Variants in FGF16 observed in about 807,000 individuals in gnomAD.
The protein encoded by FGF16 is fibroblast growth factor 16.
A neutral mutation model predicts 8.5 loss-of-function variants in FGF16; 2 were observed. The observed-to-expected ratio is 0.24, with a 90% CI of 0.10 to 0.75. The LOEUF is 0.75. FGF16 is among the 30% of genes least tolerant of loss of function. The pLI is 0.74. For synonymous variants in FGF16, 33 were observed against 34.6 expected, an observed-to-expected ratio of 0.95 and a Z score of 0.16; for missense variants, 79 against 87.4, an observed-to-expected ratio of 0.90 and a Z score of 0.38.
At chrX:77,448,652 C>G (rs1473278540) in intron 1 of FGF16, among the ~76,000 whole-genome samples, 18 of 111,864 alleles carry the variant, frequency 1.6e-4, no homozygotes, top group African/African-American at 4.2e-4. Context: ...ACAGTTGTCT[C>G]TTGGGCCCAA....
chrX:77,454,815 G>C (rs1375927405), intron 2 of FGF16, among the ~76,000 whole-genome samples: 1 of 24,909 alleles, frequency 4.0e-5, no homozygotes, highest in South Asian at 3.2e-3. Context: ...TTTTTGCTTT[G>C]AGATGGAGTC....
Position 77,454,229 on chromosome X carries a change from G to A in FGF16, c.347G>A (p.Gly116Glu). 1 of 1,032,439 alleles carries A rather than the reference G, an allele frequency of 9.7e-7. No individual in the cohort carries two copies. The highest frequency in any genetic ancestry group is 1.3e-6 in the Non-Finnish European group (1 of 768,803). The allele number at this position is 1,032,439 out of a possible 1,213,427, so 85.1% of individuals were successfully genotyped here. ...GGAGTGGACTCTGGCCTGTACCTAG[G>A]AATGAATGAGCGAGGAGAACTCTAT... is the stretch of plus-strand genomic sequence containing the variant. ...IRGVDSGLYL[G>E]MNERGELYGS... Residue 116 changes from glycine (G) to glutamate (E), a missense_variant, in exon 2 of 3, where the codon GGA becomes GAA. Coordinates refer to ENST00000439435, the MANE Select transcript of FGF16 (RefSeq NM_003868.3).
Position 77,447,633 on chromosome X carries a change from C to T in FGF16, c.-42C>T, listed in dbSNP as rs1192311481. 1.0e-4 allele frequency: 31 copies of T among 295,912 alleles called. No homozygotes were observed. Among genetic ancestry groups the T allele is most frequent in the Non-Finnish European group, 1.4e-4 (24 of 169,699 alleles). The allele number at this position is 295,912 out of a possible 1,213,427, so 24.4% of individuals were successfully genotyped here. A position where few individuals can be genotyped will look rare whatever the true frequency, so the allele number is the denominator to read the frequency against. ...TCGCGCCCCGTGGCCCCGGCTCGGC[C>T]CGCGCGCGCCCAGCACAACCAGCGC... On this transcript the variant is annotated 5_prime_UTR_variant, in exon 1 of 3. Coordinates refer to ENST00000439435, the MANE Select transcript of FGF16 (RefSeq NM_003868.3).
Position 77,456,464 on chromosome X carries a change from G to T in FGF16, c.566G>T (p.Arg189Met). 1 of 1,207,796 alleles carries T rather than the reference G, an allele frequency of 8.3e-7. No individual in the cohort carries two copies. Among genetic ancestry groups the T allele is most frequent in the Non-Finnish European group, 1.1e-6 (1 of 892,209 alleles). ...RHQKFTHFLPRPVDPSKLPSM... is the reference protein window; with the variant it reads ...RHQKFTHFLPMPVDPSKLPSM... ...CAGAAATTCACTCACTTTTTACCCA[G>T]GCCTGTAGATCCTTCTAAGTTGCCC... is the stretch of plus-strand genomic sequence containing the variant. The change falls in exon 3 of 3, where the codon AGG (arginine) becomes ATG (methionine). Residue 189 changes from arginine (R) to methionine (M), a missense_variant. By Grantham distance (91) the Arg-to-Met change is moderately conservative (BLOSUM62 -1). Coordinates refer to ENST00000439435, the MANE Select transcript of FGF16 (RefSeq NM_003868.3).
intron 1 of FGF16, among the ~76,000 whole-genome samples, chrX:77,450,435 G>A (rs782633557): frequency 1.8e-5 from 2 of 112,374 alleles, no homozygotes; most frequent in Non-Finnish European, 3.8e-5. Context: ...TCACCGCCTG[G>A]CTGGTAGCAT....
At chrX:77,456,182 A>G (rs2062571285) in intron 2 of FGF16, 95 bp from the exon 3 acceptor site, 17 of 828,245 alleles carry the variant, frequency 2.1e-5, no homozygotes, top group Non-Finnish European at 2.7e-5. Context: ...TCTAACATCA[A>G]TGTGCTATTG....
chrX:77,456,507 C>A lies in FGF16; in HGVS notation c.609C>A (p.Leu203=). 1 of 1,210,476 alleles carries A rather than the reference C, an allele frequency of 8.3e-7. No homozygotes were observed. Among genetic ancestry groups the A allele is most frequent in the South Asian group, 1.8e-5 (1 of 56,896 alleles). The change falls in exon 3 of 3, where the codon CTC becomes CTA. Residue 203 remains leucine (L), a synonymous_variant. Coordinates refer to ENST00000439435, the MANE Select transcript of FGF16 (RefSeq NM_003868.3). ...PSKLPSMSRD[L]FHYR ...AGTTGCCCTCCATGTCCAGAGACCT[C>A]TTTCACTATAGGTAATGAACCTCTG... is the stretch of plus-strand genomic sequence containing the variant.
At position 77,454,273 on chromosome X, in the gene FGF16, T is replaced by A. The variant is rs782104984; in HGVS notation, c.378+13T>A. The A allele has an allele frequency of 5.3e-6, 1 of 186,964 alleles. No homozygotes were observed. The highest frequency in any genetic ancestry group is 7.0e-6 in the Non-Finnish European group (1 of 142,212). The allele number at this position is 186,964 out of a possible 1,213,427, so 15.4% of individuals were successfully genotyped here. On this transcript the variant is annotated intron_variant, in intron 2 of 2. Transcript: ENST00000439435. ...ACTCTATGGGTCGGTAAGTTTAAGG[T>A]TTTTTTTTTTTTTTTTTTTTTTTTT...
chrX:77,454,282 T>G (rs781814864), intron 2 of FGF16, 22 bp downstream of exon 2: 28 of 779,942 alleles, frequency 3.6e-5, no homozygotes, highest in Non-Finnish European at 4.8e-5. Flanking sequence ...GTTTTTTTTT[T>G]TTTTTTTTTT....
intron 1 of FGF16, among the ~76,000 whole-genome samples, chrX:77,451,368 G>A (rs2062556664): frequency 8.9e-6 from 1 of 112,220 alleles, no homozygotes; most frequent in African/African-American, 3.2e-5. Context: ...ACAGAATGAG[G>A]GAACTCAGAC....
At chrX:77,454,101 C>A in intron 1 of FGF16, 56 bp from the exon 2 acceptor site, 2 of 800,400 alleles carry the variant, frequency 2.5e-6, no homozygotes, top group Non-Finnish European at 1.9e-6. Flanking sequence ...GTCACCTGAA[C>A]AGCTTTCTCT....
chrX:77,447,959 G>A lies in FGF16; in HGVS notation c.274+11G>A, dbSNP rs2062545996. ...ACCACAGCCGCTTCGGTGAGGACGC[G>A]GTCGGGGGAACGGGAGGCGGGCGGA... On this transcript the variant is annotated intron_variant, in intron 1 of 2. Transcript: ENST00000439435. The A allele has an allele frequency of 3.4e-6, 1 of 297,138 alleles. No individual in the cohort carries two copies. The highest frequency in any genetic ancestry group is 5.9e-6 in the Non-Finnish European group (1 of 170,199). The allele number at this position is 297,138 out of a possible 1,213,427, so 24.5% of individuals were successfully genotyped here. A position where few individuals can be genotyped will look rare whatever the true frequency, so the allele number is the denominator to read the frequency against.
rs1187051419 is a variant in FGF16, at chrX:77,457,046, G to T, written c.*524G>T. Reference sequence around the variant, plus strand: ...TTGGAAGTGGGAGATGGGGTAGGTTGTAAGAAAATGATATTAAAATGTAAG... The same window carrying T: ...TTGGAAGTGGGAGATGGGGTAGGTTTTAAGAAAATGATATTAAAATGTAAG... On this transcript the variant is annotated 3_prime_UTR_variant, in exon 3 of 3. Coordinates refer to ENST00000439435, the MANE Select transcript of FGF16 (RefSeq NM_003868.3). The T allele has an allele frequency of 8.9e-6, 1 of 112,300 alleles. No homozygotes were observed. 9.3% of individuals were successfully genotyped at this position (112,300 alleles called of 1,213,427 possible).
intron 1 of FGF16, among the ~76,000 whole-genome samples, chrX:77,451,367 G>A (rs1298114277): frequency 1.8e-5 from 2 of 112,246 alleles, no homozygotes; most frequent in East Asian, 5.6e-4. Flanking sequence ...TACAGAATGA[G>A]GGAACTCAGA....
intron 1 of FGF16, among the ~76,000 whole-genome samples, chrX:77,448,261 G>A (rs1429775239): frequency 8.8e-6 from 1 of 113,022 alleles, no homozygotes; most frequent in Non-Finnish European, 1.9e-5. Flanking sequence ...AGGTGGAGCT[G>A]AGACAGGGGT....
At position 77,447,684 on chromosome X, in the gene FGF16, G is replaced by A. The variant is rs1339474563; in HGVS notation, c.10G>A (p.Val4Met). The change falls in exon 1 of 3, where the codon GTG (valine) becomes ATG (methionine). Residue 4 changes from valine to methionine, a missense_variant. Val to Met is a conservative substitution (Grantham distance 21). Transcript: ENST00000439435. The stretch of plus-strand genomic sequence containing the variant: ...CGCAATCGGCCCAGCCATGGCAGAG[G>A]TGGGGGGCGTCTTCGCCTCCTTGGA... MAE[V>M]GGVFASLDWD... The A allele has an allele frequency of 1.0e-5, 3 of 296,287 alleles. No individual in the cohort carries two copies. The highest frequency in any genetic ancestry group is 1.8e-5 in the Non-Finnish European group (3 of 169,981). The allele number at this position is 296,287 out of a possible 1,213,427, so 24.4% of individuals were successfully genotyped here.
intron 1 of FGF16, among the ~76,000 whole-genome samples, chrX:77,453,000 C>T (rs1557026782): frequency 9.0e-6 from 1 of 111,099 alleles, no homozygotes; most frequent in Non-Finnish European, 1.9e-5. Flanking sequence ...CCACCTGAGC[C>T]TGGGGAGGTT....
intron 1 of FGF16, among the ~76,000 whole-genome samples, 172 bp downstream of exon 1, chrX:77,448,120 C>T (rs1293352672): frequency 2.6e-5 from 3 of 113,520 alleles, no homozygotes; most frequent in African/African-American, 9.6e-5. Flanking sequence ...GGGGGCCCTG[C>T]ACCCTCGGAC....
At position 77,456,471 on chromosome X, in the gene FGF16, A is replaced by G. The variant is rs1392590100; in HGVS notation, c.573A>G (p.Val191=). ...QKFTHFLPRP[V]DPSKLPSMSR... The stretch of plus-strand genomic sequence containing the variant: ...TCACTCACTTTTTACCCAGGCCTGT[A>G]GATCCTTCTAAGTTGCCCTCCATGT... The change falls in exon 3 of 3, where the codon GTA becomes GTG. Residue 191 remains valine, a synonymous_variant. Coordinates refer to ENST00000439435, the MANE Select transcript of FGF16 (RefSeq NM_003868.3). The G allele has an allele frequency of 4.8e-5, 58 of 1,206,503 alleles. No homozygotes were observed. The Admixed American group carries it at 1.2e-3, about 25-fold the overall frequency.
Sources: allele counts gnomAD v4.1 joint callset (sites outside exome capture counted in the v4.1 genomes callset), GRCh38; gene constraint gnomAD v4.1.1; transcripts MANE v1.5; gene names NCBI Gene and HGNC (gene_info 2026-07-23, HGNC 2026-07-21).